Variants in STX1A observed in about 807,000 individuals in gnomAD.
STX1A encodes syntaxin 1A, also known as syntaxin-1A.
Under a neutral mutation model 37.8 loss-of-function variants are expected in STX1A, and 4 were observed. That is an observed-to-expected ratio of 0.11 (90% CI 0.05 to 0.24). The LOEUF (loss-of-function observed/expected upper bound fraction) is 0.24. Ranked by LOEUF, STX1A falls within the 10% of genes least tolerant of loss-of-function variation. STX1A has a pLI of 1.00. For missense variants in STX1A, 251 were observed against 399.9 expected, an observed-to-expected ratio of 0.63 and a Z score of 3.18; for synonymous variants, 135 against 147.4, an observed-to-expected ratio of 0.92 and a Z score of 0.61.
At chr7:73,711,108 C>A (rs1799085754) in intron 1 of STX1A, among the ~76,000 whole-genome samples, 1 of 152,138 alleles carries the variant, frequency 6.6e-6, no homozygotes, top group Non-Finnish European at 1.5e-5. Flanking sequence ...TTCACTTCAG[C>A]CTCCCAAGCA....
intron 7 of STX1A, chr7:73,703,544 C>T (rs970674684): frequency 9.8e-6 from 7 of 714,614 alleles, no homozygotes; most frequent in Middle Eastern, 2.3e-4. Context: ...AACTGGGAGG[C>T]ATCAGGAGAC....
intron 1 of STX1A, among the ~76,000 whole-genome samples, chr7:73,714,497 C>A (rs1318465236): frequency 6.6e-6 from 1 of 151,720 alleles, no homozygotes; most frequent in African/African-American, 2.4e-5. Context: ...ATCTCCCAGG[C>A]TCAAGCAATC....
Position 73,719,637 on chromosome 7 carries a change from CG to C in STX1A, c.-7del. The C allele has an allele frequency of 8.4e-7, 1 of 1,197,474 alleles. No homozygotes were observed. The allele number at this position is 1,197,474 out of a possible 1,614,324, so 74.2% of individuals were successfully genotyped here. A position where few individuals can be genotyped will look rare whatever the true frequency, so the allele number is the denominator to read the frequency against. ...TCCTGGGTTCGGTCCTTCATGCTCC[CG>C]GGAGTGGCAGCGGCGCCGGCTGCAG... On this transcript the variant is annotated 5_prime_UTR_variant, in exon 1 of 10. Transcript: ENST00000222812.
intron 3 of STX1A, among the ~76,000 whole-genome samples, chr7:73,707,505 G>A (rs1291300070): frequency 2.0e-5 from 3 of 152,200 alleles, no homozygotes; most frequent in African/African-American, 7.2e-5. Flanking sequence ...GGGGAGGGGC[G>A]GGGCTGGACC....
Position 73,700,387 on chromosome 7 carries a change from A to G in STX1A, c.*20T>C, listed in dbSNP as rs782083461. On this transcript the variant is annotated 3_prime_UTR_variant, in exon 10 of 10. Coordinates refer to ENST00000222812, the MANE Select transcript of STX1A (RefSeq NM_004603.4). This position sits in a 1 kb window ranked among gnomAD's most constrained non-coding sequence, Gnocchi z 4.4. The stretch of plus-strand genomic sequence containing the variant: ...CCTTGGAGTGGCCCACCTGGAGTGG[A>G]GTGGCAGTTTGGGTGGCTTCTAGGC... 2.5e-6 allele frequency: 4 copies of G among 1,613,196 alleles called. No homozygotes were observed. The African/African-American group carries it at 5.3e-5, about 22-fold the overall frequency.
intron 3 of STX1A, 41 bp downstream of exon 3, chr7:73,708,547 GC>G (rs1563574545): frequency 6.3e-7 from 1 of 1,582,826 alleles, no homozygotes; most frequent in Admixed American, 1.8e-5. Context: ...CCTTCCCGAG[GC>G]TTGTGGGGCC....
intron 1 of STX1A, among the ~76,000 whole-genome samples, chr7:73,718,661 T>C (rs1799378619): frequency 6.6e-6 from 1 of 151,514 alleles, no homozygotes; most frequent in African/African-American, 2.4e-5. Context: ...TCCGTCGCTG[T>C]CCTCCACTCC....
chr7:73,703,751 T>G lies in STX1A; in HGVS notation c.540+4A>C, dbSNP rs1798756253. ...ATGGCAGGAGGGATGGGGCCTACAC[T>G]CACCCCAGAGGCAAAGATGGCGGGG... On this transcript the variant is annotated splice_donor_region_variant and intron_variant, in intron 7 of 9. Coordinates refer to ENST00000222812, the MANE Select transcript of STX1A (RefSeq NM_004603.4). 6.2e-7 allele frequency: 1 copy of G among 1,612,918 alleles called. No individual in the cohort carries two copies. The highest frequency in any genetic ancestry group is 1.3e-5 in the African/African-American group (1 of 74,874).
rs559589094 is a variant in STX1A, at chr7:73,717,733, T to G, written c.30+1869A>C. On this transcript the variant is annotated intron_variant, in intron 1 of 9. Coordinates refer to ENST00000222812, the MANE Select transcript of STX1A (RefSeq NM_004603.4). This position sits in a 1 kb window ranked among gnomAD's most constrained non-coding sequence, Gnocchi z 4.1. ...GCCTCAGACCATTCAAAGCAAAGCC[T>G]GGCTTCACCATCTAATCAGGGGGCG... Among the ~76,000 whole-genome samples, 23 of 152,278 alleles carry G rather than the reference T, an allele frequency of 1.5e-4. No individual in the cohort carries two copies. Among genetic ancestry groups the G allele is most frequent in the Admixed American group, 1.4e-3 (22 of 15,302 alleles).
chr7:73,704,653 C>T (rs1563570787), intron 4 of STX1A: 4 of 591,640 alleles, frequency 6.8e-6, no homozygotes, highest in African/African-American at 5.6e-5. Flanking sequence ...CCAAGCTCTG[C>T]GTGTGTGTGA....
At chr7:73,713,953 G>A (rs1404327382) in intron 1 of STX1A, among the ~76,000 whole-genome samples, 2 of 152,154 alleles carry the variant, frequency 1.3e-5, no homozygotes, top group African/African-American at 2.4e-5. Flanking sequence ...TATCATACGG[G>A]CACCTTGCCT....
chr7:73,702,960 G>C lies in STX1A; in HGVS notation c.563C>G (p.Ser188Trp). ...CTCAATCTCGCTCAGAGCCTGCTTC[G>C]AGATGCTGGAGTCCATGATGATCTG... ...ASGIIMDSSI[S>W]KQALSEIETR... The change falls in exon 8 of 10, where the codon TCG becomes TGG. Residue 188 changes from serine (S) to tryptophan (W), a missense_variant. Around this residue, in one of 2 missense-constraint regions of STX1A, gnomAD observed 214 missense variants for 367.6 expected, o/e 0.58. Coordinates refer to ENST00000222812, the MANE Select transcript of STX1A (RefSeq NM_004603.4). This position sits in a 1 kb window ranked among gnomAD's most constrained non-coding sequence, Gnocchi z 4.7. 1 of 1,607,976 alleles carries C rather than the reference G, an allele frequency of 6.2e-7. No homozygotes were observed. Among genetic ancestry groups the C allele is most frequent in the East Asian group, 2.2e-5 (1 of 44,706 alleles).
At chr7:73,704,577 G>A in intron 4 of STX1A, 154 bp from the exon 5 acceptor site, 2 of 840,230 alleles carry the variant, frequency 2.4e-6, no homozygotes, top group South Asian at 1.6e-5. Context: ...TGGAGGAGGG[G>A]CCTACAGAAG....
rs7793506 is a variant in STX1A, at chr7:73,705,123, A to G, written c.283+27T>C. 1.4e-6 allele frequency: 2 copies of G among 1,452,070 alleles called. No individual in the cohort carries two copies. Among genetic ancestry groups the G allele is most frequent in the Non-Finnish European group, 9.7e-7 (1 of 1,036,194 alleles). 89.9% of individuals were successfully genotyped at this position (1,452,070 alleles called of 1,614,324 possible). ...AGGAAGCAGGCCTAGAATGCCCCCC[A>G]CCCACCCCCAGACAAGCCTGACTCA... On this transcript the variant is annotated intron_variant, in intron 4 of 9. Coordinates refer to ENST00000222812, the MANE Select transcript of STX1A (RefSeq NM_004603.4). This position sits in a 1 kb window ranked among gnomAD's most constrained non-coding sequence, Gnocchi z 5.2.
intron 3 of STX1A, among the ~76,000 whole-genome samples, chr7:73,708,337 C>G (rs1798959807): frequency 6.6e-6 from 1 of 152,144 alleles, no homozygotes; most frequent in African/African-American, 2.4e-5. Flanking sequence ...GATCGCCTCT[C>G]CCATCACCCA....
intron 4 of STX1A, chr7:73,704,817 T>C (rs1055418308): frequency 1.9e-5 from 10 of 513,852 alleles, no homozygotes; most frequent in Non-Finnish European, 2.8e-5. Context: ...GGGGTGCACG[T>C]GTCTGTTCAC....
chr7:73,718,513 G>A (rs923759921), intron 1 of STX1A, among the ~76,000 whole-genome samples: 1 of 152,036 alleles, frequency 6.6e-6, no homozygotes, highest in Non-Finnish European at 1.5e-5. Flanking sequence ...GGAGCGGGGT[G>A]GGGGGTGCTC....
At position 73,700,392 on chromosome 7, in the gene STX1A, C is replaced by T; in HGVS notation, c.*15G>A. On this transcript the variant is annotated 3_prime_UTR_variant, in exon 10 of 10. Transcript: ENST00000222812. The surrounding 1 kb of genome is among the most constrained non-coding windows in gnomAD (Gnocchi z 4.4). Reference sequence around the variant, plus strand: ...GAGTGGCCCACCTGGAGTGGAGTGGCAGTTTGGGTGGCTTCTAGGCGAAGA... The same window carrying T: ...GAGTGGCCCACCTGGAGTGGAGTGGTAGTTTGGGTGGCTTCTAGGCGAAGA... 1 of 1,613,752 alleles carries T rather than the reference C, an allele frequency of 6.2e-7. No homozygotes were observed. Among genetic ancestry groups the T allele is most frequent in the Non-Finnish European group, 8.5e-7 (1 of 1,179,800 alleles).
chr7:73,706,433 T>C lies in STX1A; in HGVS notation c.209-1209A>G, dbSNP rs1217782634. On this transcript the variant is annotated intron_variant, in intron 3 of 9. Transcript: ENST00000222812. This position sits in a 1 kb window ranked among gnomAD's most constrained non-coding sequence, Gnocchi z 4.6. Reference sequence around the variant, plus strand: ...CTTGCCCGGGAGAGCCCCCCACTCATTGCCATCTTTCCTTGAGACTTCTCC... The same window carrying C: ...CTTGCCCGGGAGAGCCCCCCACTCACTGCCATCTTTCCTTGAGACTTCTCC... Among the ~76,000 whole-genome samples, 3 of 151,730 alleles carry C rather than the reference T, an allele frequency of 2.0e-5. No homozygotes were observed. The East Asian group carries it at 5.8e-4, about 30-fold the overall frequency.
Sources: allele counts gnomAD v4.1 joint callset (sites outside exome capture counted in the v4.1 genomes callset), GRCh38; gene constraint gnomAD v4.1.1; regional missense constraint gnomAD v4.1.1; non-coding constraint Gnocchi (gnomAD v3.1); transcripts MANE v1.5; gene names NCBI Gene and HGNC (gene_info 2026-07-23, HGNC 2026-07-21).